POLR1B: variants seen among roughly 807,000 people sequenced by gnomAD.
POLR1B encodes the protein DNA-directed RNA polymerase I subunit RPA2.
A neutral mutation model predicts 105.8 loss-of-function variants in POLR1B; 30 were observed. The observed-to-expected ratio is 0.28, with a 90% CI of 0.21 to 0.38. The LOEUF is 0.38. Among genes scored for constraint, POLR1B ranks in the 10% least tolerant of loss-of-function variants. POLR1B has a pLI of 1.00. For synonymous variants in POLR1B, 485 were observed against 505.1 expected (o/e 0.96, Z 0.53); for missense variants, 976 against 1,435.8 (o/e 0.68, Z 5.17).
Position 112,574,859 on chromosome 2 carries a change from T to C in POLR1B, c.2538T>C (p.Asn846=). 2.5e-6 allele frequency: 4 copies of C among 1,606,200 alleles called. No homozygotes were observed. Among genetic ancestry groups the C allele is most frequent in the Non-Finnish European group, 3.4e-6 (4 of 1,173,906 alleles). ...SFVMYYKSKE[N]CVVDNIKVCS... is the part of the protein sequence containing the mutation. ...TACTTTTTCCTAGGAGTAAAGAAAA[T>C]TGTGTTGTGGATAACATCAAAGTGT... Residue 846 remains asparagine (N), a synonymous_variant, in exon 15 of 15, where the codon AAT becomes AAC. Coordinates refer to ENST00000263331, the MANE Select transcript of POLR1B (RefSeq NM_019014.6).
chr2:112,563,056 T>C (rs1248140907), intron 9 of POLR1B, among the ~76,000 whole-genome samples: 1 of 148,216 alleles, frequency 6.7e-6, no homozygotes, highest in Non-Finnish European at 1.5e-5. Context: ...TTCTTTTTTT[T>C]TTTTCTTTTT....
chr2:112,572,887 T>C, intron 13 of POLR1B, 129 bp downstream of exon 13: 1 of 746,846 alleles, frequency 1.3e-6, no homozygotes. Flanking sequence ...TTCTATTAAA[T>C]GATTAGTTCT....
intron 12 of POLR1B, among the ~76,000 whole-genome samples, chr2:112,571,765 A>C (rs1301896418): frequency 1.3e-5 from 2 of 152,190 alleles, no homozygotes; most frequent in Non-Finnish European, 2.9e-5. Context: ...GTTTCTATCT[A>C]AGTTGTAGCT....
At chr2:112,543,911 C>G (rs985691508) in intron 1 of POLR1B, among the ~76,000 whole-genome samples, 9 of 151,862 alleles carry the variant, frequency 5.9e-5, no homozygotes, top group Non-Finnish European at 1.3e-4. Flanking sequence ...TAGTGAAACC[C>G]CATCTCCACA....
Position 112,562,917 on chromosome 2 carries a change from C to T in POLR1B, c.1613-1449C>T, listed in dbSNP as rs969717892. 2.6e-5 allele frequency among the ~76,000 whole-genome samples: 4 copies of T among 151,140 alleles called. No homozygotes were observed. In the South Asian group the frequency reaches 6.3e-4, roughly 24 times the overall value. ...ATTTTTTTTGTATTTTTAGTAGCGA[C>T]GGGGTTTTTCCATGTTGGTCAGGTT... On this transcript the variant is annotated intron_variant, in intron 9 of 14. Coordinates refer to ENST00000263331, the MANE Select transcript of POLR1B (RefSeq NM_019014.6).
intron 6 of POLR1B, 122 bp from the exon 7 acceptor site, chr2:112,552,523 G>A (rs1683424144): frequency 5.5e-6 from 6 of 1,097,694 alleles, no homozygotes; most frequent in Non-Finnish European, 7.5e-6. Flanking sequence ...CTCAAAAACT[G>A]AATGCTTAAT....
chr2:112,572,665 G>T lies in POLR1B; in HGVS notation c.2178G>T (p.Met726Ile). The change falls in exon 13 of 15, where the codon ATG becomes ATT. Residue 726 changes from methionine to isoleucine, a missense_variant. Physicochemically the swap from Met to Ile is conservative, Grantham distance 10. This residue lies in a region of POLR1B where 46 missense variants were observed against 66.8 expected (regional missense o/e 0.69). Coordinates refer to ENST00000263331, the MANE Select transcript of POLR1B (RefSeq NM_019014.6). The part of the protein sequence containing the change: ...TPQSPLVRPS[M>I]YDYYDMDNYP... ...AGAGTCCCTTGGTGAGACCCTCCAT[G>T]TATGATTATTATGACATGGATAACT... The T allele has an allele frequency of 2.5e-6, 4 of 1,613,564 alleles. No individual in the cohort carries two copies. Among genetic ancestry groups the T allele is most frequent in the South Asian group, 1.1e-5 (1 of 90,962 alleles).
At chr2:112,562,771 G>T (rs1684064388) in intron 9 of POLR1B, among the ~76,000 whole-genome samples, 1 of 148,022 alleles carries the variant, frequency 6.8e-6, no homozygotes, top group South Asian at 2.1e-4. Context: ...TCTTGCCCAG[G>T]CTGGAGTGCA....
chr2:112,549,925 ATATATG>A (rs74619308), intron 4 of POLR1B, among the ~76,000 whole-genome samples: 22,175 of 151,834 alleles, frequency 0.15, 2,026 homozygotes, highest in East Asian at 0.32. Context: ...AATCATTATA[ATATATG>A]TATATGTATA....
At chr2:112,548,193 C>T (rs998064541) in intron 3 of POLR1B, 1 of 152,218 alleles carries the variant, frequency 6.6e-6, no homozygotes, top group African/African-American at 2.4e-5. Flanking sequence ...TCAAGATGAA[C>T]AAACAGTGCC....
At chr2:112,572,262 C>T (rs1413474548) in intron 12 of POLR1B, among the ~76,000 whole-genome samples, 1 of 152,148 alleles carries the variant, frequency 6.6e-6, no homozygotes, top group Non-Finnish European at 1.5e-5. Flanking sequence ...TACATGTATC[C>T]ATAAACTAAG....
rs1382985969 is a variant in POLR1B, at chr2:112,573,586, C to T, written c.2296C>T (p.Arg766Ter). The T allele has an allele frequency of 1.9e-6, 3 of 1,613,920 alleles. No individual in the cohort carries two copies. The highest frequency in any genetic ancestry group is 2.5e-6 in the Non-Finnish European group (3 of 1,179,888). The change falls in exon 14 of 15, where the codon CGA becomes TGA. Residue 766 changes from arginine (R) to a stop codon, truncating the protein, a stop_gained. Coordinates refer to ENST00000263331, the MANE Select transcript of POLR1B (RefSeq NM_019014.6). LOFTEE classifies it high-confidence loss of function. ...GATTGTGAATAAGGCCTCTTGGGAA[C>T]GAGGCTTTGCCCATGGAAGTGTCTA... is the stretch of plus-strand genomic sequence containing the variant. ...AMIVNKASWE[R>*]GFAHGSVYKS...
rs1014982528 is a variant in POLR1B, at chr2:112,578,436, G to A, written c.*2707G>A. Among the ~76,000 whole-genome samples the A allele has an allele frequency of 2.0e-5, 3 of 152,140 alleles. No homozygotes were observed. The highest frequency in any genetic ancestry group is 4.4e-5 in the Non-Finnish European group (3 of 68,036). On this transcript the variant is annotated 3_prime_UTR_variant, in exon 15 of 15. Coordinates refer to ENST00000263331, the MANE Select transcript of POLR1B (RefSeq NM_019014.6). Reference sequence around the variant, plus strand: ...TAGGATCACGAAGTATAACCTTTGAGAATGGCCTTTTCACTCCATTCCCTT... The same window carrying A: ...TAGGATCACGAAGTATAACCTTTGAAAATGGCCTTTTCACTCCATTCCCTT...
chr2:112,542,228 G>A, upstream of POLR1B: 4 of 1,535,674 alleles, frequency 2.6e-6, no homozygotes, highest in Non-Finnish European at 3.5e-6. Context: ...CGAGCGGGGA[G>A]ATGAGTGGGG....
Position 112,564,503 on chromosome 2 carries a change from G to T in POLR1B, c.1746+4G>T, listed in dbSNP as rs570048553. ...AGATTCTCTTCGTCATTTTAAGGTGGGCTTGAGGCTTTGTGAATTGTCCTA... is the reference window on the plus strand; with the variant it reads ...AGATTCTCTTCGTCATTTTAAGGTGTGCTTGAGGCTTTGTGAATTGTCCTA... On this transcript the variant is annotated splice_donor_region_variant and intron_variant, in intron 10 of 14. Transcript: ENST00000263331. The T allele has an allele frequency of 6.2e-7, 1 of 1,614,206 alleles. No homozygotes were observed. Among genetic ancestry groups the T allele is most frequent in the Non-Finnish European group, 8.5e-7 (1 of 1,180,018 alleles).
At chr2:112,545,612 A>G (rs1168426392) in intron 1 of POLR1B, among the ~76,000 whole-genome samples, 4 of 151,574 alleles carry the variant, frequency 2.6e-5, no homozygotes, top group Non-Finnish European at 5.9e-5. Flanking sequence ...TGAGAAAGCA[A>G]ATTGTCTAAT....
chr2:112,542,108 A>G (rs2104493604), upstream of POLR1B: 5 of 1,535,572 alleles, frequency 3.3e-6, no homozygotes, highest in East Asian at 1.2e-4. Context: ...AACAGAAGAG[A>G]GCCTGAGAAG....
At chr2:112,569,346 T>C (rs1426211364) in intron 12 of POLR1B, among the ~76,000 whole-genome samples, 1 of 152,238 alleles carries the variant, frequency 6.6e-6, no homozygotes, top group Non-Finnish European at 1.5e-5. Context: ...TTAGCATTTT[T>C]TTATAGTGCA....
At chr2:112,562,643 G>T (rs1414073856) in intron 9 of POLR1B, among the ~76,000 whole-genome samples, 1 of 151,886 alleles carries the variant, frequency 6.6e-6, no homozygotes, top group African/African-American at 2.4e-5. Flanking sequence ...CTGGTGGAAG[G>T]TCTTGCCTCA....
Sources: allele counts gnomAD v4.1 joint callset (sites outside exome capture counted in the v4.1 genomes callset), GRCh38; gene constraint gnomAD v4.1.1; regional missense constraint gnomAD v4.1.1; transcripts MANE v1.5; gene names NCBI Gene and HGNC (gene_info 2026-07-23, HGNC 2026-07-21).